Variants in ZNF831 observed in about 807,000 individuals in gnomAD.
ZNF831 encodes the protein zinc finger protein 831.
A neutral mutation model predicts 95.8 loss-of-function variants in ZNF831; 59 were observed. The ratio of observed to expected loss-of-function variants is 0.62; its 90% CI spans 0.50 to 0.77. The LOEUF (loss-of-function observed/expected upper bound fraction) is 0.77. Among genes scored for constraint, ZNF831 ranks in the 30% least tolerant of loss-of-function variants. The pLI, the probability that ZNF831 is intolerant of heterozygous loss-of-function variation, is 0.00. For synonymous variants in ZNF831, 961 were observed against 925.5 expected (o/e 1.04, Z -0.70); for missense variants, 2,205 against 2,164.0 (o/e 1.02, Z -0.38).
Position 59,191,590 on chromosome 20 carries a change from A to C in ZNF831, c.571A>C (p.Arg191=), listed in dbSNP as rs758947033. The change falls in exon 2 of 6, where the codon AGG becomes CGG. Residue 191 remains arginine, a synonymous_variant. Coordinates refer to ENST00000371030, the MANE Select transcript of ZNF831 (RefSeq NM_178457.3). ...GACCCAGAGCAATCTCTACAAGCACAGGCGGACGCAGACGCACCTCAACAA... is the reference window on the plus strand; with the variant it reads ...GACCCAGAGCAATCTCTACAAGCACCGGCGGACGCAGACGCACCTCAACAA... The part of the protein sequence containing the change: ...FKTQSNLYKH[R]RTQTHLNNSR... 6 of 1,604,182 alleles carry C rather than the reference A, an allele frequency of 3.7e-6. No homozygotes were observed. In the East Asian group the frequency reaches 1.3e-4, roughly 36 times the overall value.
At chr20:59,181,457 T>A (rs1316765680) in intron 1 of ZNF831, among the ~76,000 whole-genome samples, 1 of 152,250 alleles carries the variant, frequency 6.6e-6, no homozygotes, top group Non-Finnish European at 1.5e-5. Context: ...CATGCCTGTG[T>A]CCTGAATGGT....
intron 4 of ZNF831, among the ~76,000 whole-genome samples, chr20:59,245,381 C>A (rs1210329228): frequency 6.6e-6 from 1 of 152,172 alleles, no homozygotes; most frequent in Non-Finnish European, 1.5e-5. Flanking sequence ...GCCCCTGGGG[C>A]CTGGGCTTGC....
intron 1 of ZNF831, among the ~76,000 whole-genome samples, chr20:59,135,592 G>A (rs431611): frequency 0.75 from 114,737 of 151,992 alleles, 45,619 homozygotes; most frequent in East Asian, 0.95. Context: ...TTAGCCAGGC[G>A]TGGTGGCGGG....
rs149727668 is a variant in ZNF831, at chr20:59,182,332, T to C, written c.-36-8652T>C. Among the ~76,000 whole-genome samples, 384 of 152,338 alleles carry C rather than the reference T, an allele frequency of 2.5e-3. 1 individual carries two copies. The highest frequency in any genetic ancestry group is 4.2e-3 in the Non-Finnish European group (285 of 68,022). ...TAGCTGAATAATTTTCAGCAGATTT[T>C]TCCCATTTTGCATTATGCTGTGATC... On this transcript the variant is annotated intron_variant, in intron 1 of 5. Coordinates refer to ENST00000371030, the MANE Select transcript of ZNF831 (RefSeq NM_178457.3).
chr20:59,163,822 T>TA lies in ZNF831; in HGVS notation c.-421dup, dbSNP rs1420766736. On this transcript the variant is annotated 5_prime_UTR_variant, in exon 1 of 6. Transcript: ENST00000371030. ...TAATTTACTTCCTATTTCTGGGCCA[T>TA]ACCAAGTTTTATCTCTGCTTGAGTC... Among the ~76,000 whole-genome samples, 1 of 151,928 alleles carries TA rather than the reference T, an allele frequency of 6.6e-6. No individual in the cohort carries two copies. The highest frequency in any genetic ancestry group is 2.4e-5 in the African/African-American group (1 of 41,370).
intron 4 of ZNF831, among the ~76,000 whole-genome samples, chr20:59,249,025 C>G (rs556571579): frequency 1.3e-5 from 2 of 152,338 alleles, no homozygotes; most frequent in African/African-American, 4.8e-5. Context: ...TGCCCCTGCC[C>G]CTGCATTCAC....
chr20:59,177,492 G>A lies in ZNF831; in HGVS notation c.-37+13285G>A, dbSNP rs75515705. On this transcript the variant is annotated intron_variant, in intron 1 of 5. Coordinates refer to ENST00000371030, the MANE Select transcript of ZNF831 (RefSeq NM_178457.3). ...CATTGCAGGAAACACTCTTACCCCA[G>A]GTACCAGCATGGCTCATTCCACCAC... Among the ~76,000 whole-genome samples the A allele has an allele frequency of 7.2e-5, 11 of 152,260 alleles. No individual in the cohort carries two copies. The East Asian group carries it at 2.1e-3, about 29-fold the overall frequency.
At chr20:59,143,110 G>C (rs947139488) in intron 1 of ZNF831, among the ~76,000 whole-genome samples, 3 of 152,190 alleles carry the variant, frequency 2.0e-5, no homozygotes, top group Middle Eastern at 3.2e-3. Flanking sequence ...TGTTGCTCAA[G>C]CTGGACTTCA....
chr20:59,145,044 C>G (rs1979800290), intron 1 of ZNF831, among the ~76,000 whole-genome samples: 1 of 152,170 alleles, frequency 6.6e-6, no homozygotes, highest in Non-Finnish European at 1.5e-5. Flanking sequence ...CTGACAGTGA[C>G]CCACAGTTCT....
chr20:59,153,516 G>T (rs980623595), intron 2 of ZNF831, among the ~76,000 whole-genome samples: 3 of 152,228 alleles, frequency 2.0e-5, no homozygotes, highest in Middle Eastern at 3.2e-3. Context: ...TATTCGTGCT[G>T]GAAGCTGCCC....
intron 4 of ZNF831, among the ~76,000 whole-genome samples, chr20:59,230,986 C>T (rs1294448706): frequency 6.6e-6 from 1 of 152,220 alleles, no homozygotes; most frequent in African/African-American, 2.4e-5. Flanking sequence ...CCTCTGCTCT[C>T]TTCACCATAG....
intron 1 of ZNF831, among the ~76,000 whole-genome samples, chr20:59,180,046 A>ACT (rs1982492928): frequency 6.6e-6 from 1 of 150,816 alleles, no homozygotes; most frequent in South Asian, 2.1e-4. Context: ...ATTTTGAAAA[A>ACT]CTCTTCACTC....
intron 4 of ZNF831, among the ~76,000 whole-genome samples, chr20:59,243,578 G>A (rs1987445974): frequency 6.6e-6 from 1 of 152,124 alleles, no homozygotes; most frequent in African/African-American, 2.4e-5. Flanking sequence ...GAAACAAAAT[G>A]GCAGCCTGAA....
intron 1 of ZNF831, among the ~76,000 whole-genome samples, chr20:59,178,577 G>T (rs1601340155): frequency 1.3e-5 from 2 of 152,098 alleles, no homozygotes; most frequent in South Asian, 4.1e-4. Flanking sequence ...TCAGTATAAT[G>T]GTTCAGAAAG....
At chr20:59,253,869 C>CCA in intron 5 of ZNF831, 29 bp from the exon 6 acceptor site, 1 of 1,067,574 alleles carries the variant, frequency 9.4e-7, no homozygotes, top group Non-Finnish European at 1.2e-6. Context: ...TCCCCCCCCA[C>CCA]TTTTTTTTTC....
chr20:59,222,537 T>C (rs1182965088), intron 4 of ZNF831, among the ~76,000 whole-genome samples: 1 of 151,830 alleles, frequency 6.6e-6, no homozygotes, highest in African/African-American at 2.4e-5. Context: ...ACCTCAAAAG[T>C]TACCCATGAA....
At chr20:59,230,916 G>C (rs1186852523) in intron 4 of ZNF831, among the ~76,000 whole-genome samples, 1 of 152,240 alleles carries the variant, frequency 6.6e-6, no homozygotes, top group African/African-American at 2.4e-5. Flanking sequence ...GGTGAGAGCA[G>C]TCTGGGTCTA....
Position 59,254,147 on chromosome 20 carries a change from A to G in ZNF831, c.4438A>G (p.Thr1480Ala). The change falls in exon 6 of 6, where the codon ACT (threonine) becomes GCT (alanine). Residue 1480 changes from threonine to alanine, a missense_variant. Physicochemically the swap from Thr to Ala is moderately conservative, Grantham distance 58. Transcript: ENST00000371030. This position sits in a 1 kb window ranked among gnomAD's most constrained non-coding sequence, Gnocchi z 4.5. ...QRPSSFGSKG[T>A]FPHHDIATSV... is the part of the protein sequence containing the mutation. ...GCCTTCTTCCTTTGGGTCCAAAGGA[A>G]CTTTTCCCCACCATGACATTGCTAC... 1.2e-6 allele frequency: 2 copies of G among 1,614,004 alleles called. No individual in the cohort carries two copies. Among genetic ancestry groups the G allele is most frequent in the Non-Finnish European group, 1.7e-6 (2 of 1,180,004 alleles).
intron 4 of ZNF831, among the ~76,000 whole-genome samples, chr20:59,247,141 A>G (rs1453924357): frequency 6.6e-6 from 1 of 152,232 alleles, no homozygotes; most frequent in East Asian, 1.9e-4. Context: ...AAATTGGTTG[A>G]ATAATTACAT....
Sources: gnomAD v4.1 joint callset for allele counts (sites outside exome capture counted in the v4.1 genomes callset) on GRCh38, gnomAD v4.1.1 for gene constraint, Gnocchi (gnomAD v3.1) non-coding constraint, MANE v1.5 for transcripts, NCBI Gene and HGNC (gene_info 2026-07-23, HGNC 2026-07-21) for gene names.